VRK2: variants seen among roughly 807,000 people sequenced by gnomAD.
The protein encoded by VRK2 is serine/threonine-protein kinase VRK2.
Under a neutral mutation model 57.6 loss-of-function variants are expected in VRK2, and 60 were observed. The observed-to-expected ratio is 1.04, with a 90% confidence interval of 0.85 to 1.29. The LOEUF (loss-of-function observed/expected upper bound fraction) is 1.29. VRK2 is among the 50% of genes most tolerant of loss of function. VRK2 has a pLI of 0.00. For missense variants in VRK2, 705 were observed against 588.1 expected (o/e 1.20, Z -2.06); for synonymous variants, 231 against 199.2 (o/e 1.16, Z -1.35).
intron 7 of VRK2, among the ~76,000 whole-genome samples, chr2:58,119,878 G>GAT (rs1418638474): frequency 6.6e-6 from 1 of 151,804 alleles, no homozygotes; most frequent in Non-Finnish European, 1.5e-5. Context: ...TGAGGGTGGG[G>GAT]ATGGATGGTT....
At chr2:57,921,709 T>C (rs1458542141) in intron 1 of VRK2, among the ~76,000 whole-genome samples, 1 of 152,054 alleles carries the variant, frequency 6.6e-6, no homozygotes, top group African/African-American at 2.4e-5. Flanking sequence ...CCAGTAAAGA[T>C]GATATGTGTG....
chr2:57,941,177 C>T (rs1671081624), intron 1 of VRK2, among the ~76,000 whole-genome samples: 1 of 152,150 alleles, frequency 6.6e-6, no homozygotes, highest in African/African-American at 2.4e-5. Context: ...CTTTTGGTCA[C>T]AAGAAATATG....
intron 12 of VRK2, among the ~76,000 whole-genome samples, chr2:58,157,497 G>A (rs1180487641): frequency 6.6e-6 from 1 of 152,142 alleles, no homozygotes; most frequent in Non-Finnish European, 1.5e-5. Context: ...AATGTCCTCT[G>A]TGGGGCAGGA....
intron 7 of VRK2, among the ~76,000 whole-genome samples, chr2:58,111,970 T>C (rs1002036890): frequency 3.3e-5 from 5 of 152,192 alleles, no homozygotes; most frequent in African/African-American, 1.2e-4. Context: ...TACAATTCTA[T>C]AAAATGTAAA....
intron 12 of VRK2, chr2:58,147,078 T>C: frequency 2.1e-6 from 1 of 475,274 alleles, no homozygotes; most frequent in Non-Finnish European, 4.2e-6. Flanking sequence ...TTCCCCCAAA[T>C]GATTTGAGGT....
chr2:58,000,302 T>C (rs918944231), intron 1 of VRK2, among the ~76,000 whole-genome samples: 1 of 152,194 alleles, frequency 6.6e-6, no homozygotes, highest in Non-Finnish European at 1.5e-5. Flanking sequence ...CTAAGGTAAC[T>C]GGGTTTTTTA....
intron 1 of VRK2, among the ~76,000 whole-genome samples, chr2:58,024,277 T>C (rs1012707766): frequency 6.6e-6 from 1 of 152,192 alleles, no homozygotes; most frequent in Non-Finnish European, 1.5e-5. Flanking sequence ...GAATCGGCCT[T>C]AGGTTTCACA....
At chr2:58,060,100 A>G (rs898452681) in intron 2 of VRK2, among the ~76,000 whole-genome samples, 4 of 151,792 alleles carry the variant, frequency 2.6e-5, no homozygotes, top group African/African-American at 7.2e-5. Context: ...GGAGGATAGT[A>G]GAAGAAAAAG....
intron 7 of VRK2, among the ~76,000 whole-genome samples, chr2:58,098,935 T>G (rs1276213206): frequency 6.6e-6 from 1 of 152,108 alleles, no homozygotes; most frequent in African/African-American, 2.4e-5. Flanking sequence ...TAGGTAGATA[T>G]TATCCTCTTG....
At chr2:58,094,065 T>G (rs1672772089) in intron 7 of VRK2, among the ~76,000 whole-genome samples, 2 of 152,242 alleles carry the variant, frequency 1.3e-5, no homozygotes, top group South Asian at 4.1e-4. Flanking sequence ...TTGGTTACTG[T>G]AGCCTTGTAG....
intron 2 of VRK2, among the ~76,000 whole-genome samples, chr2:58,071,737 T>C (rs573057040): frequency 3.4e-4 from 51 of 152,078 alleles, no homozygotes; most frequent in Non-Finnish European, 6.3e-4. Context: ...CCTCTGACTT[T>C]GTTCTTCAGT....
chr2:57,981,726 A>G (rs1362336897), intron 1 of VRK2, among the ~76,000 whole-genome samples: 1 of 152,166 alleles, frequency 6.6e-6, no homozygotes, highest in African/African-American at 2.4e-5. Flanking sequence ...TGGAGATTTT[A>G]TTCAATTTCC....
chr2:58,019,598 T>C (rs1477712464), intron 1 of VRK2, among the ~76,000 whole-genome samples: 2 of 152,354 alleles, frequency 1.3e-5, no homozygotes, highest in Non-Finnish European at 2.9e-5. Context: ...TCAGACTTCC[T>C]GGCTTCTTAG....
intron 3 of VRK2, among the ~76,000 whole-genome samples, chr2:58,040,672 T>C (rs551326006): frequency 8.9e-4 from 136 of 152,302 alleles, no homozygotes; most frequent in African/African-American, 3.2e-3. Context: ...ATGTCAGAGA[T>C]AGAGCTGTGT....
At chr2:57,909,460 GTA>G in intron 1 of VRK2, among the ~76,000 whole-genome samples, 1 of 126,088 alleles carries the variant, frequency 7.9e-6, no homozygotes, top group African/African-American at 3.0e-5. Flanking sequence ...CAGCCTGAGT[GTA>G]TGTGTGTGTG....
intron 1 of VRK2, among the ~76,000 whole-genome samples, chr2:57,922,931 T>C (rs887389336): frequency 1.3e-5 from 2 of 152,040 alleles, no homozygotes; most frequent in African/African-American, 4.8e-5. Flanking sequence ...AGTTCAATTG[T>C]TTTAATTTTT....
chr2:58,143,279 A>T (rs1205280460), intron 11 of VRK2, among the ~76,000 whole-genome samples: 1 of 151,962 alleles, frequency 6.6e-6, no homozygotes, highest in Non-Finnish European at 1.5e-5. Context: ...AAAATTAAAT[A>T]AAAACTACCT....
chr2:58,119,719 A>T (rs1399368550), intron 7 of VRK2, among the ~76,000 whole-genome samples: 1 of 151,366 alleles, frequency 6.6e-6, no homozygotes, highest in Admixed American at 6.6e-5. Flanking sequence ...CAAAACTTCC[A>T]TGAGAATCTT....
chr2:57,929,612 T>C (rs573643098), intron 1 of VRK2, among the ~76,000 whole-genome samples: 46 of 152,182 alleles, frequency 3.0e-4, no homozygotes, highest in African/African-American at 1.1e-3. Context: ...TCTCTCTCCT[T>C]TTCCCAAACA....
Sources: allele counts gnomAD v4.1 joint callset (sites outside exome capture counted in the v4.1 genomes callset), GRCh38; gene constraint gnomAD v4.1.1; transcripts MANE v1.5; gene names NCBI Gene and HGNC (gene_info 2026-07-23, HGNC 2026-07-21).